The following PRR5L variants were observed in gnomAD, a reference collection of about 807,000 sequenced individuals.
The protein encoded by PRR5L is proline-rich protein 5-like.
A neutral mutation model predicts 36.4 loss-of-function variants in PRR5L; 21 were observed. The observed-to-expected ratio is 0.58, with a 90% CI of 0.41 to 0.83. The LOEUF (loss-of-function observed/expected upper bound fraction) is 0.83, where lower values mean the gene tolerates loss of function less well. PRR5L is among the 40% of genes least tolerant of loss of function. The pLI is 0.00. For missense variants in PRR5L, 381 were observed against 473.3 expected (o/e 0.80, Z 1.81); for synonymous variants, 188 against 197.0 (o/e 0.95, Z 0.38).
intron 6 of PRR5L, among the ~76,000 whole-genome samples, chr11:36,440,326 GC>G (rs1858694578): frequency 6.6e-6 from 1 of 152,104 alleles, no homozygotes; most frequent in East Asian, 1.9e-4. Context: ...GCTGTCCTTG[GC>G]CCGGTTAAAC....
Position 36,301,833 on chromosome 11 carries a change from AT to A in PRR5L, c.-126+5401del, listed in dbSNP as rs367898323. 2.8e-3 allele frequency among the ~76,000 whole-genome samples: 427 copies of A among 152,290 alleles called. 4 individuals carry two copies. Among genetic ancestry groups the A allele is most frequent in the African/African-American group, 9.8e-3 (409 of 41,552 alleles). On this transcript the variant is annotated intron_variant, in intron 1 of 8. Transcript: ENST00000530639. ...ATTCAGTGATATTAGAGAATTATTAATTTTTTAAGGTGTGATGAAATTATTG... is the reference window on the plus strand; with the variant it reads ...ATTCAGTGATATTAGAGAATTATTAATTTTTAAGGTGTGATGAAATTATTG...
In PRR5L at chr11:36,336,529, C is replaced by CT. The variant is rs36024089; in HGVS notation, c.-126+40113dup. Among the ~76,000 whole-genome samples, 693 of 104,234 alleles carry CT rather than the reference C, an allele frequency of 6.6e-3. 5 individuals are homozygous for CT. Among genetic ancestry groups the CT allele is most frequent in the African/African-American group, 0.02 (581 of 28,798 alleles). 68.4% of individuals were successfully genotyped at this position (104,234 alleles called of 152,430 possible). Reference sequence around the variant, plus strand: ...ACAGGCTTGAACCACCGCGCCTGGCCTTTTTTTTTTTTTTTTTTTTTTAAG... The same window carrying CT: ...ACAGGCTTGAACCACCGCGCCTGGCCTTTTTTTTTTTTTTTTTTTTTTTAAG... On this transcript the variant is annotated intron_variant, in intron 1 of 8. Coordinates refer to ENST00000530639, the MANE Select transcript of PRR5L (RefSeq NM_001160167.2).
intron 3 of PRR5L, among the ~76,000 whole-genome samples, chr11:36,416,350 C>A (rs1858142615): frequency 6.6e-6 from 1 of 152,182 alleles, no homozygotes; most frequent in African/African-American, 2.4e-5. Context: ...TCAGATAATT[C>A]TATGAACAGT....
chr11:36,342,201 A>G (rs1165575028), intron 1 of PRR5L, among the ~76,000 whole-genome samples: 2 of 152,216 alleles, frequency 1.3e-5, no homozygotes, highest in African/African-American at 4.8e-5. Context: ...GGTGAACACC[A>G]AGTGCTTAGC....
At chr11:36,426,899 T>C (rs1858394482) in intron 4 of PRR5L, among the ~76,000 whole-genome samples, 1 of 152,222 alleles carries the variant, frequency 6.6e-6, no homozygotes, top group Admixed American at 6.5e-5. Context: ...GTTCTCCCTG[T>C]ACCTAGCCTT....
intron 1 of PRR5L, among the ~76,000 whole-genome samples, chr11:36,354,360 G>A (rs996091632): frequency 1.4e-4 from 21 of 152,158 alleles, no homozygotes; most frequent in African/African-American, 4.6e-4. Context: ...GCAAAGGCAC[G>A]TCAACAGCCA....
At chr11:36,326,869 AGG>A (rs1381174632) in intron 1 of PRR5L, among the ~76,000 whole-genome samples, 4 of 152,222 alleles carry the variant, frequency 2.6e-5, no homozygotes, top group Admixed American at 1.3e-4. Context: ...TCACCTAGTT[AGG>A]GGCAGAAATA....
chr11:36,369,706 T>A (rs2133510434), intron 1 of PRR5L, among the ~76,000 whole-genome samples: 1 of 152,312 alleles, frequency 6.6e-6, no homozygotes, highest in East Asian at 1.9e-4. Flanking sequence ...GCGATTCTCC[T>A]GCCTCAGCCT....
At chr11:36,318,125 C>T (rs753854716) in intron 1 of PRR5L, among the ~76,000 whole-genome samples, 23 of 152,136 alleles carry the variant, frequency 1.5e-4, no homozygotes, top group Non-Finnish European at 2.2e-4. Context: ...GAGTAATACG[C>T]TGTACACGTT....
chr11:36,357,433 T>C lies in PRR5L; in HGVS notation c.-125-43564T>C, dbSNP rs528680928. ...GCAAACAGCTTTCATTGGAAGAAGG[T>C]GCTATCTAGGACTTTCATTTTAGTA... On this transcript the variant is annotated intron_variant, in intron 1 of 8. Coordinates refer to ENST00000530639, the MANE Select transcript of PRR5L (RefSeq NM_001160167.2). Among the ~76,000 whole-genome samples the C allele has an allele frequency of 6.6e-5, 10 of 152,306 alleles. No individual in the cohort carries two copies. In the East Asian group the frequency reaches 1.4e-3, roughly 21 times the overall value.
chr11:36,445,498 TA>T (rs1331384028), intron 6 of PRR5L, among the ~76,000 whole-genome samples: 1 of 152,190 alleles, frequency 6.6e-6, no homozygotes, highest in Admixed American at 6.5e-5. Context: ...ATGTATTGTG[TA>T]AAGGAGACTG....
intron 4 of PRR5L, among the ~76,000 whole-genome samples, chr11:36,419,651 C>T (rs1248281716): frequency 6.6e-6 from 1 of 152,192 alleles, no homozygotes; most frequent in Non-Finnish European, 1.5e-5. Context: ...AAGCCTATTA[C>T]ATACTAGTGC....
chr11:36,331,657 G>A (rs1235698255), intron 1 of PRR5L, among the ~76,000 whole-genome samples: 1 of 152,184 alleles, frequency 6.6e-6, no homozygotes, highest in Non-Finnish European at 1.5e-5. Context: ...GCATTGAAAT[G>A]CTATTGATAT....
intron 1 of PRR5L, among the ~76,000 whole-genome samples, chr11:36,367,740 T>TTCTC (rs55635913): frequency 6.0e-5 from 9 of 150,354 alleles, no homozygotes; most frequent in African/African-American, 1.2e-4. Flanking sequence ...ACCAGAGAAC[T>TTCTC]TCTCTCTCTC....
intron 1 of PRR5L, among the ~76,000 whole-genome samples, chr11:36,328,418 C>T (rs1856686432): frequency 6.6e-6 from 1 of 152,118 alleles, no homozygotes; most frequent in South Asian, 2.1e-4. Flanking sequence ...AGAGTTCCCA[C>T]AAGATTTGGT....
At chr11:36,447,480 C>A (rs139394214) in intron 7 of PRR5L, among the ~76,000 whole-genome samples, 1 of 152,206 alleles carries the variant, frequency 6.6e-6, no homozygotes. Context: ...CAATTCTCGA[C>A]GAGTAGGGTT....
rs545441114 is a variant in PRR5L at position 36,389,106 on chromosome 11, G to T, written c.-125-11891G>T. Reference sequence around the variant, plus strand: ...GAGCACTTATTTCCAGCTCATTGTTGTTATAAAGAAGGCTGCAGTAAAAAC... The same window carrying T: ...GAGCACTTATTTCCAGCTCATTGTTTTTATAAAGAAGGCTGCAGTAAAAAC... On this transcript the variant is annotated intron_variant, in intron 1 of 8. Coordinates refer to ENST00000530639, the MANE Select transcript of PRR5L (RefSeq NM_001160167.2). 3.9e-5 allele frequency among the ~76,000 whole-genome samples: 6 copies of T among 152,286 alleles called. No homozygotes were observed. In the South Asian group the frequency reaches 6.2e-4, roughly 16 times the overall value.
At chr11:36,401,455 C>T (rs1052700581) in intron 2 of PRR5L, among the ~76,000 whole-genome samples, 170 bp downstream of exon 2, 3 of 152,128 alleles carry the variant, frequency 2.0e-5, no homozygotes, top group African/African-American at 7.2e-5. Flanking sequence ...GACAGGGTCT[C>T]ACTCTGTCAC....
At chr11:36,448,391 T>G (rs1858876824) in intron 7 of PRR5L, among the ~76,000 whole-genome samples, 1 of 152,156 alleles carries the variant, frequency 6.6e-6, no homozygotes, top group Non-Finnish European at 1.5e-5. Context: ...CTTCCATCCC[T>G]GCCTGGAACC....
Sources: allele counts gnomAD v4.1 joint callset (sites outside exome capture counted in the v4.1 genomes callset), GRCh38; gene constraint gnomAD v4.1.1; transcripts MANE v1.5; gene names NCBI Gene and HGNC (gene_info 2026-07-23, HGNC 2026-07-21).